Variants in IQCK observed in about 807,000 individuals in gnomAD.
IQCK encodes IQ domain-containing protein K.
A neutral mutation model predicts 28.1 loss-of-function variants in IQCK; 29 were observed. That is an observed-to-expected ratio of 1.03 (90% CI 0.77 to 1.41). The LOEUF (loss-of-function observed/expected upper bound fraction) is 1.41, where lower values mean the gene tolerates loss of function less well. Ranked by LOEUF, IQCK falls within the 40% of genes most tolerant of loss-of-function variation. The pLI is 0.00. For missense variants in IQCK, 359 were observed against 314.7 expected (o/e 1.14, Z -1.07); for synonymous variants, 113 against 115.1 (o/e 0.98, Z 0.12).
At chr16:19,776,671 T>C (rs531869374) in intron 6 of IQCK, among the ~76,000 whole-genome samples, 1 of 152,288 alleles carries the variant, frequency 6.6e-6, no homozygotes, top group East Asian at 1.9e-4. Context: ...ATGGTGCCAC[T>C]GCACTCCAGC....
In IQCK at chr16:19,858,328, G is replaced by T. The variant is rs181815340; in HGVS notation, c.*1780G>T. ...ATAACATATCAGATTTAAAAGGGGG[G>T]AAAAAGGTCTCATTAAATGAGGCTT... On this transcript the variant is annotated 3_prime_UTR_variant, in exon 10 of 10. Transcript: ENST00000320394. 850 of 442,108 alleles carry T rather than the reference G, an allele frequency of 1.9e-3. 2 individuals carry two copies. The highest frequency in any genetic ancestry group is 2.8e-3 in the Non-Finnish European group (693 of 249,984). The allele number at this position is 442,108 out of a possible 1,614,324, so 27.4% of individuals were successfully genotyped here.
chr16:19,802,761 C>G (rs573250756), intron 7 of IQCK, among the ~76,000 whole-genome samples: 152 of 152,310 alleles, frequency 1.0e-3, no homozygotes, highest in African/African-American at 3.5e-3. Flanking sequence ...ATCATGTAGC[C>G]TTCGAGTCTG....
intron 1 of IQCK, among the ~76,000 whole-genome samples, chr16:19,724,442 C>T (rs954296287): frequency 6.6e-6 from 1 of 152,190 alleles, no homozygotes; most frequent in African/African-American, 2.4e-5. Context: ...AAATGTTCGT[C>T]TGATTCACTC....
intron 4 of IQCK, chr16:19,761,792 G>A (rs1348779803): frequency 5.4e-6 from 1 of 184,500 alleles, no homozygotes; most frequent in African/African-American, 2.3e-5. Context: ...TCAGCTGCCT[G>A]TATTGAAAAC....
At chr16:19,758,585 AATT>A (rs143884552) in intron 4 of IQCK, among the ~76,000 whole-genome samples, 146 of 152,310 alleles carry the variant, frequency 9.6e-4, no homozygotes, top group African/African-American at 3.4e-3. Context: ...AGATTGTTTA[AATT>A]ATTATACGGC....
At chr16:19,853,519 G>C (rs1400185737) in intron 9 of IQCK, among the ~76,000 whole-genome samples, 2 of 152,186 alleles carry the variant, frequency 1.3e-5, no homozygotes, top group African/African-American at 2.4e-5. Context: ...TCTTCCTTCA[G>C]GCAGTTGAAG....
At chr16:19,824,444 C>G (rs1446779025) in intron 7 of IQCK, among the ~76,000 whole-genome samples, 1 of 152,220 alleles carries the variant, frequency 6.6e-6, no homozygotes, top group Admixed American at 6.5e-5. Context: ...CACTCACCTT[C>G]TGTTGTACCG....
intron 7 of IQCK, among the ~76,000 whole-genome samples, chr16:19,813,266 T>C (rs1157787647): frequency 6.6e-6 from 1 of 151,974 alleles, no homozygotes; most frequent in Non-Finnish European, 1.5e-5. Context: ...AGGGAAACAA[T>C]AGAATGAATG....
At chr16:19,742,000 A>G (rs2054842466) in intron 4 of IQCK, among the ~76,000 whole-genome samples, 1 of 152,142 alleles carries the variant, frequency 6.6e-6, no homozygotes, top group African/African-American at 2.4e-5. Context: ...AACAACAAAA[A>G]CAACAACAAA....
rs982350408 is a variant in IQCK at position 19,750,836 on chromosome 16, G to A, written c.475-13012G>A. Among the ~76,000 whole-genome samples, 5 of 152,126 alleles carry A rather than the reference G, an allele frequency of 3.3e-5. No homozygotes were observed. The East Asian group carries it at 9.6e-4, about 29-fold the overall frequency. On this transcript the variant is annotated intron_variant, in intron 4 of 7. Transcript: ENST00000564186. ...ACAGCTACAATGAAAGATAACAATT[G>A]AATAACAACAAAATTAAATTGGAAA...
intron 7 of IQCK, among the ~76,000 whole-genome samples, chr16:19,814,669 A>G (rs1466715633): frequency 1.3e-5 from 2 of 152,166 alleles, no homozygotes; most frequent in Non-Finnish European, 2.9e-5. Flanking sequence ...AGAATGGCTG[A>G]AAATAATGAG....
intron 4 of IQCK, among the ~76,000 whole-genome samples, chr16:19,759,562 G>A (rs183586594): frequency 4.6e-5 from 7 of 152,278 alleles, no homozygotes; most frequent in African/African-American, 1.4e-4. Flanking sequence ...ACATGTATAT[G>A]TGGCCTGTCG....
intron 3 of IQCK, 107 bp downstream of exon 3, chr16:19,733,934 A>G: frequency 1.0e-6 from 1 of 989,184 alleles, no homozygotes; most frequent in Non-Finnish European, 1.5e-6. Context: ...CCACATACAT[A>G]AGAAAGAATG....
At chr16:19,731,307 A>G (rs1977828538) in intron 2 of IQCK, among the ~76,000 whole-genome samples, 1 of 152,202 alleles carries the variant, frequency 6.6e-6, no homozygotes, top group Non-Finnish European at 1.5e-5. Flanking sequence ...TAAAATTTTT[A>G]AAAAGCAAGG....
downstream of IQCK, among the ~76,000 whole-genome samples, chr16:19,828,320 G>C (rs1328024099): frequency 1.5e-5 from 2 of 137,046 alleles, no homozygotes; most frequent in Non-Finnish European, 3.0e-5. Context: ...TGCAACCTCC[G>C]CCTCCTGGAG....
intron 9 of IQCK, among the ~76,000 whole-genome samples, chr16:19,846,100 A>C (rs949070121): frequency 5.3e-5 from 8 of 152,240 alleles, no homozygotes; most frequent in Non-Finnish European, 1.0e-4. Flanking sequence ...AATTTTATTG[A>C]ATATTTATTA....
rs2056138317 is a variant in IQCK at position 19,825,605 on chromosome 16, C to T, written c.691-1421C>T. On this transcript the variant is annotated intron_variant, in intron 7 of 7. Transcript: ENST00000564186. The surrounding 1 kb of genome is among the most constrained non-coding windows in gnomAD (Gnocchi z 4.2). Reference sequence around the variant, plus strand: ...CACTTTTAGAGGCCAAGGCTTGAGCCCAGGAGTTTGAGACCAGCCTGGGCA... The same window carrying T: ...CACTTTTAGAGGCCAAGGCTTGAGCTCAGGAGTTTGAGACCAGCCTGGGCA... Among the ~76,000 whole-genome samples the T allele has an allele frequency of 6.6e-6, 1 of 151,710 alleles. No homozygotes were observed. The highest frequency in any genetic ancestry group is 1.5e-5 in the Non-Finnish European group (1 of 67,938).
At chr16:19,765,211 G>A in intron 6 of IQCK, among the ~76,000 whole-genome samples, 1 of 125,802 alleles carries the variant, frequency 7.9e-6, no homozygotes. Context: ...GACAGAGTGA[G>A]ACTCCATCTC....
At chr16:19,848,535 G>A (rs371905184) in intron 9 of IQCK, among the ~76,000 whole-genome samples, 2 of 152,192 alleles carry the variant, frequency 1.3e-5, no homozygotes, top group East Asian at 3.8e-4. Flanking sequence ...CTACTTAGCA[G>A]CAATTCAGCT....
Sources: gnomAD v4.1 joint callset for allele counts (sites outside exome capture counted in the v4.1 genomes callset) on GRCh38, gnomAD v4.1.1 for gene constraint, Gnocchi (gnomAD v3.1) non-coding constraint, MANE v1.5 for transcripts, NCBI Gene and HGNC (gene_info 2026-07-23, HGNC 2026-07-21) for gene names.